The following SLC39A8 variants were observed in gnomAD, a reference collection of about 807,000 sequenced individuals.
SLC39A8 encodes metal cation symporter ZIP8.
A neutral mutation model predicts 40.4 loss-of-function variants in SLC39A8; 15 were observed. The observed-to-expected ratio is 0.37, with a 90% confidence interval of 0.25 to 0.57. The LOEUF is 0.57. Ranked by LOEUF, SLC39A8 falls within the 20% of genes least tolerant of loss-of-function variation. The pLI, the probability that SLC39A8 is intolerant of heterozygous loss-of-function variation, is 0.75. For missense variants in SLC39A8, 472 were observed against 558.8 expected (o/e 0.84, Z 1.57); for synonymous variants, 223 against 221.6 (o/e 1.01, Z -0.06).
intron 2 of SLC39A8, among the ~76,000 whole-genome samples, chr4:102,320,439 AATATATATATGAGAGT>A (rs1734906849): frequency 1.1e-4 from 9 of 82,166 alleles, no homozygotes; most frequent in African/African-American, 4.0e-4. Flanking sequence ...TATATATGAG[AATATATATATGAGAGT>A]ATATATACAT....
chr4:102,262,889 C>G lies in SLC39A8; in HGVS notation c.*155G>C. On this transcript the variant is annotated 3_prime_UTR_variant, in exon 9 of 9. Transcript: ENST00000356736. ...AGCATTTTTAACAACAAATAATGGA[C>G]TATTTCACAGACTGATGCCAATAAT... 7.2e-7 allele frequency: 1 copy of G among 1,386,942 alleles called. No homozygotes were observed. 85.9% of individuals were successfully genotyped at this position (1,386,942 alleles called of 1,614,324 possible).
At chr4:102,277,766 T>C (rs1732687655) in intron 6 of SLC39A8, among the ~76,000 whole-genome samples, 3 of 152,130 alleles carry the variant, frequency 2.0e-5, no homozygotes, top group Admixed American at 2.0e-4. Context: ...CAAGACAGCA[T>C]AGTACTGGTA....
In SLC39A8 at chr4:102,339,779, C is replaced by T. The variant is rs533420421; in HGVS notation, c.219+4665G>A. On this transcript the variant is annotated intron_variant, in intron 2 of 8. Transcript: ENST00000356736. The stretch of plus-strand genomic sequence containing the variant: ...TGGTCCTTACATCTCATGAAATCCA[C>T]TGCAGATGGCTCCTTAGCTCCCACC... 2.6e-5 allele frequency among the ~76,000 whole-genome samples: 4 copies of T among 152,276 alleles called. No homozygotes were observed. The East Asian group carries it at 7.7e-4, about 29-fold the overall frequency.
At chr4:102,255,428 G>C (rs1036870494) in intron 11 of SLC39A8, among the ~76,000 whole-genome samples, 2 of 152,158 alleles carry the variant, frequency 1.3e-5, no homozygotes, top group African/African-American at 2.4e-5. Flanking sequence ...AGTCCCCATA[G>C]CTTCTACTGT....
chr4:102,319,582 C>G (rs939780751), intron 2 of SLC39A8, among the ~76,000 whole-genome samples: 7 of 152,100 alleles, frequency 4.6e-5, no homozygotes, highest in Non-Finnish European at 7.4e-5. Flanking sequence ...TCCCCCCTAC[C>G]CTTAATGTTT....
intron 2 of SLC39A8, among the ~76,000 whole-genome samples, chr4:102,326,887 G>T (rs1735225926): frequency 6.6e-6 from 1 of 152,102 alleles, no homozygotes; most frequent in Non-Finnish European, 1.5e-5. Flanking sequence ...CCACAAGGTT[G>T]TTTCTACTGA....
chr4:102,327,425 C>A (rs1735261350), intron 2 of SLC39A8, among the ~76,000 whole-genome samples: 1 of 152,182 alleles, frequency 6.6e-6, no homozygotes, highest in Non-Finnish European at 1.5e-5. Context: ...TTCACTGTGA[C>A]TTTGCATCTC....
chr4:102,344,419 G>C (rs1241345224), intron 2 of SLC39A8, 25 bp downstream of exon 2: 2 of 1,490,156 alleles, frequency 1.3e-6, no homozygotes, highest in South Asian at 2.6e-5. Flanking sequence ...CAGTACGGAG[G>C]GCTGCCCGGA....
intron 2 of SLC39A8, among the ~76,000 whole-genome samples, chr4:102,334,048 G>C (rs1414217916): frequency 6.6e-6 from 1 of 152,166 alleles, no homozygotes; most frequent in Admixed American, 6.5e-5. Flanking sequence ...GGTTCCATGT[G>C]ACTTGGTATA....
chr4:102,258,933 C>T (rs922568282), downstream of SLC39A8, among the ~76,000 whole-genome samples: 1 of 152,158 alleles, frequency 6.6e-6, no homozygotes, highest in African/African-American at 2.4e-5. Context: ...ACTTACACAC[C>T]ACTCGGCTCA....
chr4:102,311,512 A>G (rs1384408933), intron 3 of SLC39A8, among the ~76,000 whole-genome samples: 2 of 152,094 alleles, frequency 1.3e-5, no homozygotes, highest in African/African-American at 4.8e-5. Context: ...TGTATTACAG[A>G]GTTGGACAAT....
At chr4:102,343,859 C>T (rs990813187) in intron 2 of SLC39A8, among the ~76,000 whole-genome samples, 3 of 152,076 alleles carry the variant, frequency 2.0e-5, no homozygotes, top group African/African-American at 7.2e-5. Context: ...TGACAAGGAA[C>T]TAACAATATA....
At position 102,307,620 on chromosome 4, in the gene SLC39A8, G is replaced by A. The variant is rs538013629; in HGVS notation, c.383-15C>T. The A allele has an allele frequency of 3.7e-6, 6 of 1,606,810 alleles. No individual in the cohort carries two copies. The African/African-American group carries it at 8.1e-5, about 22-fold the overall frequency. ...ATATCCCCAAACTGTGGGTCAGAGGGAAAAGAGAGTAGAAATTAATCAGAG... is the reference window on the plus strand; with the variant it reads ...ATATCCCCAAACTGTGGGTCAGAGGAAAAAGAGAGTAGAAATTAATCAGAG... On this transcript the variant is annotated splice_polypyrimidine_tract_variant and intron_variant, in intron 3 of 8. Coordinates refer to ENST00000356736, the MANE Select transcript of SLC39A8 (RefSeq NM_001135146.2).
At chr4:102,320,168 C>CATATAT (rs70937533) in intron 2 of SLC39A8, among the ~76,000 whole-genome samples, 5 of 101,936 alleles carry the variant, frequency 4.9e-5, no homozygotes, top group South Asian at 3.5e-4. Flanking sequence ...TATATATATA[C>CATATAT]ATATATATAT....
At chr4:102,345,062 A>G (rs1405779198) in intron 1 of SLC39A8, 147 bp from the exon 2 acceptor site, 3 of 275,324 alleles carry the variant, frequency 1.1e-5, no homozygotes, top group East Asian at 1.1e-4. Flanking sequence ...CAAACGCCCC[A>G]GGATTTGCGT....
chr4:102,262,708 T>G lies in SLC39A8; in HGVS notation c.*336A>C. 1 of 1,014,400 alleles carries G rather than the reference T, an allele frequency of 9.9e-7. No homozygotes were observed. Among genetic ancestry groups the G allele is most frequent in the Non-Finnish European group, 1.2e-6 (1 of 849,036 alleles). The allele number at this position is 1,014,400 out of a possible 1,614,324, so 62.8% of individuals were successfully genotyped here. A position where few individuals can be genotyped will look rare whatever the true frequency, so the allele number is the denominator to read the frequency against. Reference sequence around the variant, plus strand: ...GTTTTAAAGGCTTTCAGGATATAACTTGTATTTTCCCCTGAGTCTGAGTGT... The same window carrying G: ...GTTTTAAAGGCTTTCAGGATATAACGTGTATTTTCCCCTGAGTCTGAGTGT... On this transcript the variant is annotated 3_prime_UTR_variant, in exon 9 of 9. Transcript: ENST00000356736.
Position 102,263,204 on chromosome 4 carries a change from G to A in SLC39A8, c.1234-11C>T, listed in dbSNP as rs372572412. ...ATTCATCTCTGGAAACTAGAAGACA[G>A]ATATATTGTTAGATAACTGTTGCCA... On this transcript the variant is annotated splice_polypyrimidine_tract_variant and intron_variant, in intron 8 of 8. Coordinates refer to ENST00000356736, the MANE Select transcript of SLC39A8 (RefSeq NM_001135146.2). The A allele has an allele frequency of 5.0e-6, 8 of 1,611,342 alleles. No homozygotes were observed. The highest frequency in any genetic ancestry group is 6.8e-6 in the Non-Finnish European group (8 of 1,178,210).
At chr4:102,252,072 T>C (rs1222346835) in exon 12 of SLC39A8, 5 of 152,326 alleles carry the variant, frequency 3.3e-5, no homozygotes, top group African/African-American at 1.2e-4. Context: ...AAAAATGGCT[T>C]CCTTTCCTCA....
downstream of SLC39A8, among the ~76,000 whole-genome samples, chr4:102,256,853 G>A (rs1188305106): frequency 6.6e-6 from 1 of 152,092 alleles, no homozygotes; most frequent in Non-Finnish European, 1.5e-5. Flanking sequence ...ATTTACAAAG[G>A]GACTGATTAC....
Sources: allele counts gnomAD v4.1 joint callset (sites outside exome capture counted in the v4.1 genomes callset), GRCh38; gene constraint gnomAD v4.1.1; transcripts MANE v1.5; gene names NCBI Gene and HGNC (gene_info 2026-07-23, HGNC 2026-07-21).